WWOX: variants seen among roughly 807,000 people sequenced by gnomAD.
WWOX encodes WW domain containing oxidoreductase, also known as WW domain-containing oxidoreductase.
Under a neutral mutation model 46.2 loss-of-function variants are expected in WWOX, and 69 were observed. The observed-to-expected ratio is 1.49, with a 90% CI of 1.23 to 1.82. WWOX has a LOEUF of 1.82. WWOX is among the 40% of genes most tolerant of loss of function. The pLI, the probability that WWOX is intolerant of heterozygous loss-of-function variation, is 0.00. For synonymous variants in WWOX, 359 were observed against 202.6 expected, an observed-to-expected ratio of 1.77 and a Z score of -6.56; for missense variants, 919 against 542.6, an observed-to-expected ratio of 1.69 and a Z score of -6.89.
chr16:79,043,524 T>G (rs1474327196), intron 8 of WWOX, among the ~76,000 whole-genome samples: 1 of 152,188 alleles, frequency 6.6e-6, no homozygotes, highest in African/African-American at 2.4e-5. Context: ...AGTTCAGGCA[T>G]AGCTGGATCC....
chr16:78,100,004 C>T (rs1291232228), intron 1 of WWOX, 119 bp downstream of exon 1: 6 of 1,494,140 alleles, frequency 4.0e-6, no homozygotes, highest in African/African-American at 1.5e-5. Flanking sequence ...GTGAAAGTAA[C>T]TGTTAAGGAG....
intron 8 of WWOX, among the ~76,000 whole-genome samples, chr16:79,168,361 C>G (rs952433259): frequency 6.6e-6 from 1 of 152,152 alleles, no homozygotes; most frequent in Non-Finnish European, 1.5e-5. Context: ...GCTTTTAATA[C>G]TTCTGGATGT....
At chr16:78,724,899 C>T (rs1229412703) in intron 8 of WWOX, among the ~76,000 whole-genome samples, 1 of 152,154 alleles carries the variant, frequency 6.6e-6, no homozygotes, top group African/African-American at 2.4e-5. Context: ...CCTTGCATCT[C>T]TGGAGGCTGA....
In WWOX at chr16:78,155,364, C is replaced by G. The variant is rs141732042; in HGVS notation, c.410-8819C>G. Among the ~76,000 whole-genome samples the G allele has an allele frequency of 1.4e-4, 22 of 152,244 alleles. No individual in the cohort carries two copies. In the East Asian group the frequency reaches 4.2e-3, roughly 29 times the overall value. On this transcript the variant is annotated intron_variant, in intron 4 of 8. Coordinates refer to ENST00000566780, the MANE Select transcript of WWOX (RefSeq NM_016373.4). Reference sequence around the variant, plus strand: ...TGTCCTCTGATCATCAGTTTGTGACCTCTGTTCTAAAGAGTGAAAACTATG... The same window carrying G: ...TGTCCTCTGATCATCAGTTTGTGACGTCTGTTCTAAAGAGTGAAAACTATG...
chr16:78,763,782 C>T (rs1039789684), intron 8 of WWOX, among the ~76,000 whole-genome samples: 5 of 152,126 alleles, frequency 3.3e-5, no homozygotes, highest in Non-Finnish European at 5.9e-5. Context: ...TTAATTTCTC[C>T]AGCATTCAGT....
chr16:79,180,982 T>G (rs2050899894), intron 8 of WWOX, among the ~76,000 whole-genome samples: 1 of 152,252 alleles, frequency 6.6e-6, no homozygotes, highest in South Asian at 2.1e-4. Context: ...TCATATTGTA[T>G]GTCTGATTTT....
intron 8 of WWOX, among the ~76,000 whole-genome samples, chr16:78,443,493 CAA>C (rs1316882627): frequency 1.6e-4 from 25 of 152,142 alleles, no homozygotes; most frequent in Non-Finnish European, 2.5e-4. Context: ...TTGTTAAAAA[CAA>C]AGAGAGGGAA....
Position 78,156,248 on chromosome 16 carries a change from A to G in WWOX, c.410-7935A>G, listed in dbSNP as rs184664292. ...TCAGATGTGCCCTTTCTGGTAATAA[A>G]AAGTCCTTTGCCGTGGGTTATTTTG... On this transcript the variant is annotated intron_variant, in intron 4 of 8. Coordinates refer to ENST00000566780, the MANE Select transcript of WWOX (RefSeq NM_016373.4). Among the ~76,000 whole-genome samples, 3 of 152,298 alleles carry G rather than the reference A, an allele frequency of 2.0e-5. 1 individual carries two copies. The highest frequency in any genetic ancestry group is 4.4e-5 in the Non-Finnish European group (3 of 68,022).
chr16:78,913,127 G>A (rs1422088530), intron 8 of WWOX, among the ~76,000 whole-genome samples: 1 of 152,008 alleles, frequency 6.6e-6, no homozygotes, highest in Non-Finnish European at 1.5e-5. Context: ...CCTCCTGCCA[G>A]AAAAGATTTT....
intron 8 of WWOX, chr16:79,106,552 A>G (rs1164644392): frequency 7.1e-6 from 1 of 141,214 alleles, no homozygotes; most frequent in African/African-American, 2.7e-5. Flanking sequence ...CAAGAACTTC[A>G]TGACCCTAAA....
chr16:78,435,180 G>C (rs2083306398), intron 8 of WWOX, among the ~76,000 whole-genome samples: 1 of 152,078 alleles, frequency 6.6e-6, no homozygotes, highest in South Asian at 2.1e-4. Context: ...TAGAAATGGA[G>C]GCAGAGGGAC....
chr16:78,640,979 A>G (rs2046694081), intron 8 of WWOX, among the ~76,000 whole-genome samples: 1 of 151,466 alleles, frequency 6.6e-6, no homozygotes, highest in Non-Finnish European at 1.5e-5. Flanking sequence ...GGAAGGACAG[A>G]TGGAAGGAAG....
chr16:79,092,960 A>G lies in WWOX; in HGVS notation c.1057-118648A>G, dbSNP rs1458342873. The stretch of plus-strand genomic sequence containing the variant: ...TCTATAATATAGAATGCTATTTTCT[A>G]GTTAGGTTGGAGCAAAAGTAATCGC... On this transcript the variant is annotated intron_variant, in intron 8 of 8. Coordinates refer to ENST00000566780, the MANE Select transcript of WWOX (RefSeq NM_016373.4). 4.4e-4 allele frequency among the ~76,000 whole-genome samples: 67 copies of G among 152,180 alleles called. 1 individual carries two copies. Among genetic ancestry groups the G allele is most frequent in the Admixed American group, 4.4e-3 (67 of 15,282 alleles).
At position 79,211,729 on chromosome 16, in the gene WWOX, C is replaced by G. The variant is rs139253468; in HGVS notation, c.1178C>G (p.Thr393Arg). Residue 393 changes from threonine (T) to arginine (R), a missense_variant, in exon 9 of 9, where the codon ACG (threonine) becomes AGG (arginine). Thr to Arg is a moderately conservative substitution (Grantham distance 71). Transcript: ENST00000566780. ...TCACCAGAAGCTCAGAGCGAAGAGA[C>G]GGCCCGGACCCTGTGGGCGCTCAGC... ...MPSPEAQSEE[T>R]ARTLWALSER... The G allele has an allele frequency of 1.2e-6, 2 of 1,614,222 alleles. No individual in the cohort carries two copies.
In WWOX at chr16:79,026,612, C is replaced by CTTT. The variant is rs1324687983; in HGVS notation, c.1057-184995_1057-184994insTTT. 1.2e-4 allele frequency among the ~76,000 whole-genome samples: 15 copies of CTTT among 123,342 alleles called. 1 individual carries two copies. The highest frequency in any genetic ancestry group is 4.5e-4 in the African/African-American group (14 of 31,078). 80.9% of individuals were successfully genotyped at this position (123,342 alleles called of 152,430 possible). A position where few individuals can be genotyped will look rare whatever the true frequency, so the allele number is the denominator to read the frequency against. On this transcript the variant is annotated intron_variant, in intron 8 of 8. Coordinates refer to ENST00000566780, the MANE Select transcript of WWOX (RefSeq NM_016373.4). Reference sequence around the variant, plus strand: ...AACACAGAGCCTGGCATGTGGTAGACTCTTTTTTTTTTTTTTTTTTTTTGA... The same window carrying CTTT: ...AACACAGAGCCTGGCATGTGGTAGACTTTTCTTTTTTTTTTTTTTTTTTTTTGA...
At chr16:78,803,835 A>G (rs970302703) in intron 8 of WWOX, among the ~76,000 whole-genome samples, 1 of 152,144 alleles carries the variant, frequency 6.6e-6, no homozygotes, top group African/African-American at 2.4e-5. Flanking sequence ...AAAGAATTGA[A>G]CAAATAAAAT....
chr16:78,119,695 G>A (rs150032466), intron 4 of WWOX, among the ~76,000 whole-genome samples: 20 of 151,668 alleles, frequency 1.3e-4, no homozygotes, highest in African/African-American at 4.8e-4. Flanking sequence ...CAAACTCCTG[G>A]GTTCAAGTGA....
chr16:79,205,150 C>T (rs1038745550), intron 8 of WWOX: 8 of 152,248 alleles, frequency 5.3e-5, no homozygotes, highest in African/African-American at 1.9e-4. Flanking sequence ...TTAAAAGCTG[C>T]ATGGCACTCT....
intron 8 of WWOX, among the ~76,000 whole-genome samples, chr16:78,663,968 A>C (rs2047273556): frequency 6.6e-6 from 1 of 152,212 alleles, no homozygotes; most frequent in African/African-American, 2.4e-5. Flanking sequence ...CAGCCACTGT[A>C]TGACGTCTGG....
Sources: gnomAD v4.1 joint callset for allele counts (sites outside exome capture counted in the v4.1 genomes callset) on GRCh38, gnomAD v4.1.1 for gene constraint, MANE v1.5 for transcripts, NCBI Gene and HGNC (gene_info 2026-07-23, HGNC 2026-07-21) for gene names.